CTNNA3: variants seen among roughly 807,000 people sequenced by gnomAD.
CTNNA3 encodes catenin alpha-3.
CTNNA3 carries 76 observed loss-of-function variants against 95.7 expected under a neutral mutation model. The observed-to-expected ratio is 0.79, with a 90% CI of 0.66 to 0.96. The LOEUF is 0.96. Ranked by LOEUF, CTNNA3 falls within the 40% of genes least tolerant of loss-of-function variation. The probability of loss-of-function intolerance (pLI) is 0.00; values close to 1 mark genes in which losing one functional copy is unlikely to be tolerated. For missense variants in CTNNA3, 1,191 were observed against 1,089.8 expected, an observed-to-expected ratio of 1.09 and a Z score of -1.31; for synonymous variants, 431 against 374.4, an observed-to-expected ratio of 1.15 and a Z score of -1.74.
chr10:67,685,362 A>G (rs189552144), intron 1 of CTNNA3, among the ~76,000 whole-genome samples: 1 of 152,354 alleles, frequency 6.6e-6, no homozygotes, highest in Non-Finnish European at 1.5e-5. Flanking sequence ...AAGCAGACCA[A>G]TTATTAGGCA....
chr10:66,967,293 T>C (rs1238559091), intron 7 of CTNNA3, among the ~76,000 whole-genome samples: 4 of 151,728 alleles, frequency 2.6e-5, no homozygotes, highest in Admixed American at 2.0e-4. Flanking sequence ...AGTGGATAGA[T>C]ATAGATATAG....
At chr10:67,667,298 C>G (rs950298119) in intron 1 of CTNNA3, among the ~76,000 whole-genome samples, 1 of 152,064 alleles carries the variant, frequency 6.6e-6, no homozygotes, top group Non-Finnish European at 1.5e-5. Context: ...AAGACATGGA[C>G]AGCAATTTGC....
intron 7 of CTNNA3, among the ~76,000 whole-genome samples, chr10:67,138,660 T>C (rs1199517894): frequency 6.6e-6 from 1 of 152,194 alleles, no homozygotes; most frequent in Non-Finnish European, 1.5e-5. Context: ...ATTATTCCTT[T>C]CAACCAGAGG....
chr10:65,948,554 T>C (rs1185197493), intron 17 of CTNNA3, among the ~76,000 whole-genome samples: 3 of 152,060 alleles, frequency 2.0e-5, no homozygotes, highest in African/African-American at 7.2e-5. Context: ...GTGTTTTTTT[T>C]TGTGATTAGC....
intron 6 of CTNNA3, among the ~76,000 whole-genome samples, chr10:67,184,078 T>C (rs1319600869): frequency 1.3e-5 from 2 of 152,230 alleles, no homozygotes; most frequent in South Asian, 2.1e-4. Context: ...ACAAGTATTA[T>C]TGTGATGGAG....
chr10:67,638,926 C>A (rs1168839639), intron 2 of CTNNA3, among the ~76,000 whole-genome samples: 3 of 152,108 alleles, frequency 2.0e-5, no homozygotes, highest in Non-Finnish European at 2.9e-5. Flanking sequence ...AAAATTGACA[C>A]CCTAACATCA....
chr10:66,805,313 A>G (rs1005330655), intron 7 of CTNNA3, among the ~76,000 whole-genome samples: 5 of 151,846 alleles, frequency 3.3e-5, no homozygotes, highest in Non-Finnish European at 5.9e-5. Context: ...CTTGCAAATC[A>G]TCAAACCTAG....
chr10:67,281,906 G>A (rs1026676793), intron 5 of CTNNA3, among the ~76,000 whole-genome samples: 4 of 152,062 alleles, frequency 2.6e-5, no homozygotes, highest in African/African-American at 9.7e-5. Context: ...TCCATAAGAT[G>A]CATTCATTCA....
chr10:66,848,360 C>T (rs1291850288), intron 7 of CTNNA3, among the ~76,000 whole-genome samples: 9 of 152,120 alleles, frequency 5.9e-5, no homozygotes, highest in African/African-American at 1.9e-4. Context: ...AGGCTCTGTA[C>T]ACGGTTTTAG....
At chr10:67,029,250 G>A (rs187298314) in intron 7 of CTNNA3, among the ~76,000 whole-genome samples, 13 of 152,258 alleles carry the variant, frequency 8.5e-5, no homozygotes, top group Non-Finnish European at 1.5e-4. Flanking sequence ...AATAAAACAT[G>A]AATTTACAGT....
chr10:67,685,065 C>T (rs749650747), intron 1 of CTNNA3, among the ~76,000 whole-genome samples: 5 of 152,114 alleles, frequency 3.3e-5, no homozygotes, highest in East Asian at 3.8e-4. Flanking sequence ...TCACTGCTGC[C>T]GAAGAGTCTA....
chr10:66,037,852 G>T (rs1010786258), intron 15 of CTNNA3, among the ~76,000 whole-genome samples: 31 of 151,562 alleles, frequency 2.0e-4, no homozygotes, highest in Admixed American at 1.8e-3. Flanking sequence ...AAAACATAGA[G>T]TTTTTTTTTC....
chr10:66,242,053 T>A, intron 13 of CTNNA3, among the ~76,000 whole-genome samples: 1 of 152,112 alleles, frequency 6.6e-6, no homozygotes, highest in Non-Finnish European at 1.5e-5. Flanking sequence ...GTGGCAGCAG[T>A]AAGAGGTGGG....
chr10:67,683,890 C>T (rs976419137), intron 1 of CTNNA3, among the ~76,000 whole-genome samples: 72 of 151,482 alleles, frequency 4.8e-4, no homozygotes, highest in African/African-American at 1.6e-3. Flanking sequence ...TTGTTCCTCC[C>T]GATGGGTTCA....
intron 5 of CTNNA3, among the ~76,000 whole-genome samples, chr10:67,347,605 C>A (rs1842476321): frequency 1.3e-5 from 2 of 152,000 alleles, no homozygotes; most frequent in African/African-American, 4.8e-5. Context: ...GAAGTAAATT[C>A]TTTGAAAGTT....
rs147071548 is a variant in CTNNA3 at position 66,474,870 on chromosome 10, T to G, written c.1531+45747A>C. Among the ~76,000 whole-genome samples the G allele has an allele frequency of 1.9e-3, 286 of 152,158 alleles. 4 individuals carry two copies. The highest frequency in any genetic ancestry group is 3.3e-3 in the Non-Finnish European group (223 of 67,972). On this transcript the variant is annotated intron_variant, in intron 11 of 17. Transcript: ENST00000433211. ...ATGGTGTTTCTTTTGGGAAAACTCT[T>G]TCCAGATCCTTTGCTCAATTTTTAA...
At chr10:67,141,111 G>T (rs1302124956) in intron 7 of CTNNA3, among the ~76,000 whole-genome samples, 3 of 152,160 alleles carry the variant, frequency 2.0e-5, no homozygotes, top group Admixed American at 6.5e-5. Flanking sequence ...CCGTCTCAAA[G>T]ATAATATTTG....
chr10:65,917,832 T>C lies in CTNNA3; in HGVS notation c.*2498A>G, dbSNP rs1262718258. ...AACATAATGGGGAGATTTATTCATA[T>C]CTTGCTGCTAGTTTTTCTTGCATAT... On this transcript the variant is annotated 3_prime_UTR_variant, in exon 18 of 18. Transcript: ENST00000433211. 6.6e-6 allele frequency: 1 copy of C among 152,154 alleles called. No homozygotes were observed. The highest frequency in any genetic ancestry group is 1.5e-5 in the Non-Finnish European group (1 of 68,022). The allele number at this position is 152,154 out of a possible 1,614,324, so 9.4% of individuals were successfully genotyped here.
In CTNNA3 at chr10:67,082,680, G is replaced by A. The variant is rs1857111227; in HGVS notation, c.1047+97637C>T. Among the ~76,000 whole-genome samples, 3 of 152,076 alleles carry A rather than the reference G, an allele frequency of 2.0e-5. No homozygotes were observed. The South Asian group carries it at 6.2e-4, about 32-fold the overall frequency. On this transcript the variant is annotated intron_variant, in intron 7 of 17. Transcript: ENST00000433211. The stretch of plus-strand genomic sequence containing the variant: ...ATAGGAATATGTTATTTCCAAGAAG[G>A]GCCCTTTCTCCTAAAGATACATCCT...
Sources: gnomAD v4.1 joint callset for allele counts (sites outside exome capture counted in the v4.1 genomes callset) on GRCh38, gnomAD v4.1.1 for gene constraint, MANE v1.5 for transcripts, NCBI Gene and HGNC (gene_info 2026-07-23, HGNC 2026-07-21) for gene names.